The following SLC11A2 variants were observed in gnomAD, a reference collection of about 807,000 sequenced individuals.
SLC11A2 encodes natural resistance-associated macrophage protein 2.
SLC11A2 carries 38 observed loss-of-function variants against 68.0 expected under a neutral mutation model. The observed-to-expected ratio is 0.56, with a 90% confidence interval of 0.43 to 0.73. The LOEUF is 0.73. SLC11A2 is among the 30% of genes least tolerant of loss of function. The pLI, the probability that SLC11A2 is intolerant of heterozygous loss-of-function variation, is 0.00. For missense variants in SLC11A2, 517 were observed against 690.5 expected (o/e 0.75, Z 2.82); for synonymous variants, 242 against 250.6 (o/e 0.97, Z 0.32).
At chr12:51,006,772 AT>A (rs1282224952) in intron 3 of SLC11A2, among the ~76,000 whole-genome samples, 6 of 151,972 alleles carry the variant, frequency 3.9e-5, no homozygotes, top group African/African-American at 1.4e-4. Context: ...TTTTTTATTT[AT>A]TTTTATTTTT....
chr12:50,977,039 A>G (rs1344769961), downstream of SLC11A2, among the ~76,000 whole-genome samples: 7 of 152,236 alleles, frequency 4.6e-5, no homozygotes, highest in African/African-American at 1.4e-4. Context: ...ATGGGTAGGA[A>G]GAATCAATAT....
intron 2 of SLC11A2, chr12:51,009,208 G>A: frequency 3.5e-6 from 5 of 1,438,898 alleles, no homozygotes; most frequent in Non-Finnish European, 4.5e-6. Flanking sequence ...GCTAAACTCT[G>A]AAGCTGCAGC....
chr12:50,973,054 C>T, the SLC11A2 span, among the ~76,000 whole-genome samples: 1 of 152,200 alleles, frequency 6.6e-6, no homozygotes, highest in African/African-American at 2.4e-5. Flanking sequence ...CTGTAGACTC[C>T]ACCTCTGGGG....
At chr12:50,968,184 T>C in the SLC11A2 span, among the ~76,000 whole-genome samples, 4 of 152,230 alleles carry the variant, frequency 2.6e-5, no homozygotes, top group South Asian at 8.3e-4. Flanking sequence ...TAAAACATTT[T>C]TGGAGTTGGC....
the SLC11A2 span, chr12:50,960,862 TA>T: frequency 2.1e-6 from 2 of 954,710 alleles, no homozygotes. Context: ...TTTTTTTTTT[TA>T]GAGATGGGGT....
chr12:51,026,278 T>C, intron 1 of SLC11A2, 32 bp downstream of exon 1: 1 of 1,214,238 alleles, frequency 8.2e-7, no homozygotes, highest in Non-Finnish European at 1.1e-6. Context: ...GCGAGCGGAA[T>C]GCCGTGACCC....
chr12:50,960,409 T>G, the SLC11A2 span, among the ~76,000 whole-genome samples: 1 of 152,208 alleles, frequency 6.6e-6, no homozygotes, highest in Non-Finnish European at 1.5e-5. Flanking sequence ...CATGCACAGT[T>G]TGAAATCATT....
chr12:50,957,829 G>A, the SLC11A2 span, among the ~76,000 whole-genome samples: 1 of 151,976 alleles, frequency 6.6e-6, no homozygotes, highest in Non-Finnish European at 1.5e-5. Context: ...GGGTTGCAGT[G>A]AGCCGAGATC....
intron 6 of SLC11A2, among the ~76,000 whole-genome samples, chr12:50,999,775 C>T (rs78440609): frequency 9.1e-6 from 1 of 109,502 alleles, no homozygotes; most frequent in African/African-American, 2.9e-5. Context: ...GAGGCTGAGG[C>T]GGGCATTCCT....
the SLC11A2 span, chr12:50,970,334 T>C: frequency 1.4e-6 from 1 of 706,404 alleles, no homozygotes; most frequent in Non-Finnish European, 2.5e-6. Flanking sequence ...GGCCTTTGTT[T>C]GTTTCTGTTT....
upstream of SLC11A2, chr12:51,028,476 T>C (rs1944470457): frequency 2.4e-6 from 1 of 414,374 alleles, no homozygotes; most frequent in Non-Finnish European, 4.3e-6. Context: ...ATTTATTGAG[T>C]TCAAAAATTT....
chr12:50,988,797 C>A (rs193118495), intron 15 of SLC11A2, among the ~76,000 whole-genome samples: 1 of 152,228 alleles, frequency 6.6e-6, no homozygotes, highest in East Asian at 1.9e-4. Context: ...ACTGAAGCCT[C>A]GAATTCCTGG....
At chr12:51,011,139 G>A (rs1306548803) in intron 1 of SLC11A2, among the ~76,000 whole-genome samples, 1 of 103,350 alleles carries the variant, frequency 9.7e-6, no homozygotes, top group Admixed American at 1.0e-4. Context: ...TTTTTTTTTT[G>A]AGTCTTTGAG....
In SLC11A2 at chr12:50,988,414, G is replaced by A. The variant is rs1940815392; in HGVS notation, c.1597C>T (p.Leu533=). 1 of 1,613,794 alleles carries A rather than the reference G, an allele frequency of 6.2e-7. No individual in the cohort carries two copies. The highest frequency in any genetic ancestry group is 1.7e-5 in the Admixed American group (1 of 59,994). Residue 533 remains leucine, a synonymous_variant, in exon 16 of 16, where the codon CTG becomes TTG. Coordinates refer to ENST00000262052, the MANE Select transcript of SLC11A2 (RefSeq NM_000617.3). ...CCACAGTCCAGGAAGGACATGCCCA[G>A]TGCAATCAAACATTGCCAACCCTGA... ...FYLGWQCLIA[L]GMSFLDCGHT...
chr12:50,976,219 T>C (rs1444743654), downstream of SLC11A2, among the ~76,000 whole-genome samples: 3 of 152,190 alleles, frequency 2.0e-5, no homozygotes, highest in African/African-American at 4.8e-5. Context: ...ATATCCCTGA[T>C]GAACATTGAT....
intron 2 of SLC11A2, among the ~76,000 whole-genome samples, chr12:51,010,108 G>A (rs440601): frequency 0.74 from 112,143 of 151,276 alleles, 41,882 homozygotes; most frequent in East Asian, 0.87. Flanking sequence ...CCATTGAACC[G>A]GGGAGGCGGA....
At chr12:50,998,851 C>G (rs1263502754) in intron 8 of SLC11A2, among the ~76,000 whole-genome samples, 1 of 152,020 alleles carries the variant, frequency 6.6e-6, no homozygotes, top group African/African-American at 2.4e-5. Context: ...CAAGAATAAC[C>G]CTGCAACCCC....
Position 50,986,650 on chromosome 12 carries a change from C to A in SLC11A2, c.*1675G>T. The A allele has an allele frequency of 1.6e-6, 2 of 1,286,710 alleles. No individual in the cohort carries two copies. The highest frequency in any genetic ancestry group is 3.0e-5 in the African/African-American group (2 of 65,848). The allele number at this position is 1,286,710 out of a possible 1,614,324, so 79.7% of individuals were successfully genotyped here. On this transcript the variant is annotated 3_prime_UTR_variant, in exon 16 of 16. Coordinates refer to ENST00000262052, the MANE Select transcript of SLC11A2 (RefSeq NM_000617.3). ...AAGATGTCAGTCCCCAATATCTTCACAGAGTGCCTTTATGACCAGTTTGGA... is the reference window on the plus strand; with the variant it reads ...AAGATGTCAGTCCCCAATATCTTCAAAGAGTGCCTTTATGACCAGTTTGGA...
At position 51,011,371 on chromosome 12, in the gene SLC11A2, G is replaced by A. The variant is rs544453682; in HGVS notation, c.-38-605C>T. Among the ~76,000 whole-genome samples, 248 of 151,830 alleles carry A rather than the reference G, an allele frequency of 1.6e-3. 1 individual carries two copies. The highest frequency in any genetic ancestry group is 2.8e-3 in the Non-Finnish European group (193 of 67,868). ...TCTCGATCTGCTGACCTCGTGATCC[G>A]CCCGCCTCAGCCTCCCATAGTGCTG... On this transcript the variant is annotated intron_variant, in intron 1 of 15. Transcript: ENST00000262052.
Sources: allele counts gnomAD v4.1 joint callset (sites outside exome capture counted in the v4.1 genomes callset), GRCh38; gene constraint gnomAD v4.1.1; transcripts MANE v1.5; gene names NCBI Gene and HGNC (gene_info 2026-07-23, HGNC 2026-07-21).